ERC2: variants seen among roughly 807,000 people sequenced by gnomAD.
The protein encoded by ERC2 is ELKS/RAB6-interacting/CAST family member 2, also known as ERC protein 2.
A neutral mutation model predicts 114.8 loss-of-function variants in ERC2; 42 were observed. The ratio of observed to expected loss-of-function variants is 0.37; its 90% CI spans 0.29 to 0.47. The LOEUF (loss-of-function observed/expected upper bound fraction) is 0.47, where lower values mean the gene tolerates loss of function less well. ERC2 is among the 20% of genes least tolerant of loss of function. ERC2 has a pLI of 0.99. For synonymous variants in ERC2, 454 were observed against 425.5 expected (o/e 1.07, Z -0.82); for missense variants, 939 against 1,150.7 (o/e 0.82, Z 2.66).
chr3:55,547,669 G>A lies in ERC2; in HGVS notation c.*40-36393C>T, dbSNP rs187516777. On this transcript the variant is annotated intron_variant, in intron 17 of 17. Coordinates refer to ENST00000288221, the MANE Select transcript of ERC2 (RefSeq NM_015576.3). ...TCAGAGACCAGGGGAGAAATAAAAA[G>A]CTAGTGCAGTTTCTATTAGGGAGGA... Among the ~76,000 whole-genome samples, 3 of 152,346 alleles carry A rather than the reference G, an allele frequency of 2.0e-5. No individual in the cohort carries two copies. The East Asian group carries it at 5.8e-4, about 29-fold the overall frequency.
chr3:56,011,726 G>A (rs575877383), intron 8 of ERC2, among the ~76,000 whole-genome samples: 7 of 151,850 alleles, frequency 4.6e-5, no homozygotes, highest in Admixed American at 6.6e-5. Flanking sequence ...ACTTCCTCTC[G>A]GATGGCCATG....
At chr3:55,788,327 G>A (rs1361154381) in intron 14 of ERC2, among the ~76,000 whole-genome samples, 1 of 152,162 alleles carries the variant, frequency 6.6e-6, no homozygotes, top group Admixed American at 6.5e-5. Flanking sequence ...CACAGCAGGA[G>A]CCACTCTGCA....
intron 10 of ERC2, among the ~76,000 whole-genome samples, chr3:56,001,764 C>T (rs2072082229): frequency 6.6e-6 from 1 of 152,152 alleles, no homozygotes; most frequent in Non-Finnish European, 1.5e-5. Flanking sequence ...AAGGCTCTCC[C>T]CATCTGTCAT....
intron 3 of ERC2, among the ~76,000 whole-genome samples, chr3:56,219,560 T>C (rs756403243): frequency 6.6e-6 from 1 of 151,640 alleles, no homozygotes; most frequent in African/African-American, 2.4e-5. Flanking sequence ...AAAGATACTA[T>C]TGAAAATCAT....
intron 17 of ERC2, among the ~76,000 whole-genome samples, chr3:55,519,058 AG>A (rs2052723141): frequency 6.6e-6 from 1 of 152,196 alleles, no homozygotes. Context: ...CTCTGGAAAG[AG>A]GGGGATGTCC....
chr3:56,054,595 A>T (rs1379424755), intron 7 of ERC2, among the ~76,000 whole-genome samples: 1 of 152,152 alleles, frequency 6.6e-6, no homozygotes, highest in Non-Finnish European at 1.5e-5. Flanking sequence ...GTATCATTTC[A>T]TTCTCCTAAT....
chr3:55,775,256 G>T (rs1005165560), intron 14 of ERC2, among the ~76,000 whole-genome samples: 2 of 152,164 alleles, frequency 1.3e-5, no homozygotes, highest in African/African-American at 4.8e-5. Flanking sequence ...TGGGGGTCGG[G>T]TGTGGTAGCT....
intron 15 of ERC2, among the ~76,000 whole-genome samples, chr3:55,732,061 C>G (rs2065283183): frequency 1.3e-5 from 2 of 152,016 alleles, no homozygotes; most frequent in Non-Finnish European, 2.9e-5. Flanking sequence ...TGAACCCCAT[C>G]ACTTACAAGC....
intron 1 of ERC2, among the ~76,000 whole-genome samples, chr3:56,437,504 T>C (rs2062077141): frequency 6.6e-6 from 1 of 152,254 alleles, no homozygotes; most frequent in African/African-American, 2.4e-5. Context: ...CATTCAATTC[T>C]AGATGAGATT....
At chr3:55,693,291 G>A (rs1431577947) in intron 16 of ERC2, among the ~76,000 whole-genome samples, 2 of 152,208 alleles carry the variant, frequency 1.3e-5, no homozygotes, top group African/African-American at 2.4e-5. Context: ...GTCACTCTCT[G>A]AAAGTACCCC....
At chr3:56,353,627 G>A (rs1461233258) in intron 2 of ERC2, among the ~76,000 whole-genome samples, 1 of 137,022 alleles carries the variant, frequency 7.3e-6, no homozygotes, top group Non-Finnish European at 1.5e-5. Flanking sequence ...GACACAGGGA[G>A]GGGAACATCA....
intron 2 of ERC2, among the ~76,000 whole-genome samples, chr3:56,400,343 A>G (rs900399438): frequency 2.0e-5 from 3 of 152,146 alleles, no homozygotes; most frequent in African/African-American, 7.2e-5. Context: ...AAATAGAAAC[A>G]CTATTCTGTT....
intron 8 of ERC2, among the ~76,000 whole-genome samples, chr3:56,018,103 G>A (rs2073433498): frequency 6.6e-6 from 1 of 152,092 alleles, no homozygotes; most frequent in African/African-American, 2.4e-5. Flanking sequence ...TGTCCCCAAG[G>A]AAATGATAAA....
chr3:55,587,997 C>T (rs552531086), intron 17 of ERC2, among the ~76,000 whole-genome samples: 14 of 152,236 alleles, frequency 9.2e-5, no homozygotes, highest in East Asian at 5.8e-4. Context: ...GCCTTCCAAA[C>T]GCAAAACAGC....
rs563073773 is a variant in ERC2, at chr3:56,439,675, A to C, written c.-140-4528T>G. ...TGATATAGCTTTTGGTTTTATTAAT[A>C]TATTTTACTGCATCTTATTTTCCAT... On this transcript the variant is annotated intron_variant, in intron 1 of 17. Transcript: ENST00000288221. Among the ~76,000 whole-genome samples the C allele has an allele frequency of 4.6e-5, 7 of 152,110 alleles. No homozygotes were observed. In the East Asian group the frequency reaches 1.2e-3, roughly 25 times the overall value.
chr3:55,696,688 A>G (rs2062948673), intron 16 of ERC2, among the ~76,000 whole-genome samples: 1 of 152,244 alleles, frequency 6.6e-6, no homozygotes, highest in South Asian at 2.1e-4. Context: ...ACTTAGATTT[A>G]TAACAGTACA....
intron 2 of ERC2, among the ~76,000 whole-genome samples, chr3:56,312,569 T>C (rs1426525747): frequency 6.6e-6 from 1 of 152,188 alleles, no homozygotes; most frequent in Non-Finnish European, 1.5e-5. Context: ...TGTAACAAAA[T>C]ACCACATGTA....
At chr3:56,328,528 T>C (rs1429049630) in intron 2 of ERC2, among the ~76,000 whole-genome samples, 2 of 152,126 alleles carry the variant, frequency 1.3e-5, no homozygotes, top group African/African-American at 4.8e-5. Flanking sequence ...TACAAACGGG[T>C]ATTTTTAAAA....
At chr3:56,171,972 C>CAAA (rs1350499338) in intron 4 of ERC2, among the ~76,000 whole-genome samples, 1 of 59,588 alleles carries the variant, frequency 1.7e-5, no homozygotes, top group African/African-American at 5.9e-5. Flanking sequence ...TCACCCTTTG[C>CAAA]AAAAACAAAA....
Sources: gnomAD v4.1 joint callset for allele counts (sites outside exome capture counted in the v4.1 genomes callset) on GRCh38, gnomAD v4.1.1 for gene constraint, MANE v1.5 for transcripts, NCBI Gene and HGNC (gene_info 2026-07-23, HGNC 2026-07-21) for gene names.